Variants in LARP4B observed in about 807,000 individuals in gnomAD.
The protein encoded by LARP4B is La ribonucleoprotein 4B, also known as la-related protein 4B.
In LARP4B, 12 loss-of-function variants were observed where a neutral mutation model predicts 89.8. The ratio of observed to expected loss-of-function variants is 0.13; its 90% CI spans 0.09 to 0.22. The LOEUF is 0.22. Ranked by LOEUF, LARP4B falls within the 10% of genes least tolerant of loss-of-function variation. The pLI is 1.00. For missense variants in LARP4B, 757 were observed against 947.7 expected (o/e 0.80, Z 2.64); for synonymous variants, 367 against 363.3 (o/e 1.01, Z -0.12).
chr10:824,294 A>G (rs1832507620), intron 13 of LARP4B, among the ~76,000 whole-genome samples: 1 of 152,142 alleles, frequency 6.6e-6, no homozygotes, highest in Non-Finnish European at 1.5e-5. Flanking sequence ...GGAGTTCAAG[A>G]CCAGCCTGGG....
chr10:858,997 C>G (rs1368556381), intron 5 of LARP4B, among the ~76,000 whole-genome samples: 5 of 152,066 alleles, frequency 3.3e-5, no homozygotes, highest in Admixed American at 3.3e-4. Flanking sequence ...ACAAAAAATA[C>G]AAAAGTTAGC....
chr10:829,823 A>C, intron 9 of LARP4B, 89 bp from the exon 10 acceptor site: 2 of 853,490 alleles, frequency 2.3e-6, no homozygotes, highest in East Asian at 2.5e-5. Flanking sequence ...AAATAGGGAA[A>C]TATATAATTA....
At position 810,700 on chromosome 10, in the gene LARP4B, T is replaced by C. The variant is rs1435987836; in HGVS notation, c.*2226A>G. The C allele has an allele frequency of 2.6e-5, 4 of 152,298 alleles. No homozygotes were observed. Among genetic ancestry groups the C allele is most frequent in the South Asian group, 4.1e-4 (2 of 4,820 alleles). The allele number at this position is 152,298 out of a possible 1,614,324, so 9.4% of individuals were successfully genotyped here. On this transcript the variant is annotated 3_prime_UTR_variant, in exon 18 of 18. Coordinates refer to ENST00000316157, the MANE Select transcript of LARP4B (RefSeq NM_015155.3). ...CGCCCTGGCCCTTCCGTAGCGAAGA[T>C]GCAGCTCGTAGGCCCAGGCCTCGAG...
the LARP4B span, among the ~76,000 whole-genome samples, chr10:946,675 T>G: frequency 6.6e-6 from 1 of 152,208 alleles, no homozygotes; most frequent in African/African-American, 2.4e-5. Context: ...GTTCCTTCCA[T>G]TTGTTGAATG....
intron 8 of LARP4B, among the ~76,000 whole-genome samples, chr10:831,871 T>C (rs1332176274): frequency 6.6e-6 from 1 of 152,050 alleles, no homozygotes; most frequent in Non-Finnish European, 1.5e-5. Flanking sequence ...TCACAAAGCA[T>C]GCAAAGAAAT....
At chr10:913,698 T>C (rs370048050) in intron 1 of LARP4B, among the ~76,000 whole-genome samples, 1 of 152,120 alleles carries the variant, frequency 6.6e-6, no homozygotes, top group South Asian at 2.1e-4. Flanking sequence ...ATCCCATCAC[T>C]AGGAGTTCGA....
At chr10:921,007 C>T (rs927723589) in intron 1 of LARP4B, among the ~76,000 whole-genome samples, 3 of 152,120 alleles carry the variant, frequency 2.0e-5, no homozygotes, top group Non-Finnish European at 4.4e-5. Context: ...GGCATGGTGG[C>T]TCACACCTGT....
intron 5 of LARP4B, among the ~76,000 whole-genome samples, chr10:859,816 T>C (rs1431763162): frequency 6.9e-6 from 1 of 144,080 alleles, no homozygotes; most frequent in Non-Finnish European, 1.5e-5. Flanking sequence ...TATGACATTC[T>C]GGAAAAGGTA....
intron 5 of LARP4B, among the ~76,000 whole-genome samples, chr10:846,178 T>C (rs1219911390): frequency 6.6e-6 from 1 of 152,168 alleles, no homozygotes; most frequent in Non-Finnish European, 1.5e-5. Context: ...CCACTCCCCA[T>C]GTTTAATAGG....
chr10:964,252 A>G, the LARP4B span, among the ~76,000 whole-genome samples: 24 of 152,100 alleles, frequency 1.6e-4, no homozygotes, highest in Non-Finnish European at 3.4e-4. Flanking sequence ...TTTTTAGTAG[A>G]GATGGGGTTT....
chr10:941,734 TA>T, the LARP4B span, among the ~76,000 whole-genome samples: 2 of 152,184 alleles, frequency 1.3e-5, no homozygotes, highest in East Asian at 1.9e-4. Flanking sequence ...TTATTTCAGT[TA>T]TTTTTTTATT....
intron 7 of LARP4B, among the ~76,000 whole-genome samples, chr10:841,790 C>T (rs939203126): frequency 7.2e-5 from 11 of 152,218 alleles, no homozygotes; most frequent in African/African-American, 4.8e-5. Flanking sequence ...TCAGAACTCA[C>T]AGTCAATGGT....
chr10:923,867 G>C (rs957272965), intron 1 of LARP4B, among the ~76,000 whole-genome samples: 1 of 152,088 alleles, frequency 6.6e-6, no homozygotes, highest in Admixed American at 6.6e-5. Flanking sequence ...CCTAAAAAAG[G>C]CATGTTTGAA....
chr10:921,710 T>G lies in LARP4B; in HGVS notation c.-40+9718A>C, dbSNP rs137997704. Among the ~76,000 whole-genome samples, 76 of 152,308 alleles carry G rather than the reference T, an allele frequency of 5.0e-4. No homozygotes were observed. In the East Asian group the frequency reaches 0.013, roughly 27 times the overall value. ...GGAGATTTTTAAGTGCCTCAATGCT[T>G]CTACAGTTTATTTGGCAATTCTACA... is the stretch of plus-strand genomic sequence containing the variant. On this transcript the variant is annotated intron_variant, in intron 1 of 17. Transcript: ENST00000316157.
At chr10:859,665 G>GT (rs1283204110) in intron 5 of LARP4B, among the ~76,000 whole-genome samples, 2 of 152,194 alleles carry the variant, frequency 1.3e-5, no homozygotes, top group African/African-American at 4.8e-5. Context: ...GTAATTTGTA[G>GT]TATGTCCAGA....
chr10:887,162 T>C (rs1315174345), intron 1 of LARP4B, among the ~76,000 whole-genome samples: 2 of 152,012 alleles, frequency 1.3e-5, no homozygotes, highest in Non-Finnish European at 2.9e-5. Context: ...AAGAGATCAA[T>C]GTCAAAGGGT....
At chr10:941,286 A>G in the LARP4B span, among the ~76,000 whole-genome samples, 2 of 151,184 alleles carry the variant, frequency 1.3e-5, no homozygotes, top group Non-Finnish European at 3.0e-5. Flanking sequence ...GAGAGTCCCA[A>G]TTCCCCATGA....
intron 7 of LARP4B, 128 bp from the exon 8 acceptor site, chr10:836,634 C>CAA: frequency 1.6e-6 from 1 of 610,998 alleles, no homozygotes; most frequent in Non-Finnish European, 2.8e-6. Context: ...CAAAGTAAAC[C>CAA]AATCTCACGT....
At chr10:883,585 T>C (rs12264711) in intron 3 of LARP4B, among the ~76,000 whole-genome samples, 23,702 of 151,632 alleles carry the variant, frequency 0.16, 1,999 homozygotes, top group Non-Finnish European at 0.19. Context: ...ATAAATAATA[T>C]ATTTATAAAA....
Sources: gnomAD v4.1 joint callset for allele counts (sites outside exome capture counted in the v4.1 genomes callset) on GRCh38, gnomAD v4.1.1 for gene constraint, MANE v1.5 for transcripts, NCBI Gene and HGNC (gene_info 2026-07-23, HGNC 2026-07-21) for gene names.